APTX: variants seen among roughly 807,000 people sequenced by gnomAD.
APTX encodes forkhead-associated domain histidine triad-like protein.
In APTX, 33 loss-of-function variants were observed where a neutral mutation model predicts 42.3. That is an observed-to-expected ratio of 0.78 (90% CI 0.59 to 1.04). APTX has a LOEUF of 1.04. Among genes scored for constraint, APTX ranks in the 50% least tolerant of loss-of-function variants. The probability of loss-of-function intolerance (pLI) is 0.00; values close to 1 mark genes in which losing one functional copy is unlikely to be tolerated. For synonymous variants in APTX, 130 were observed against 146.7 expected, an observed-to-expected ratio of 0.89 and a Z score of 0.82; for missense variants, 421 against 415.1, an observed-to-expected ratio of 1.01 and a Z score of -0.12.
At position 32,989,801 on chromosome 9, in the gene APTX, G is replaced by T. The variant is rs1421833029; in HGVS notation, c.91C>A (p.Pro31Thr). 1.9e-6 allele frequency: 3 copies of T among 1,614,186 alleles called. No individual in the cohort carries two copies. Among genetic ancestry groups the T allele is most frequent in the Non-Finnish European group, 2.5e-6 (3 of 1,180,030 alleles). ...TTCTTATCAGTGATCTTGGTCTCTGGGCCACGCCCAATCACAACTGCTTCC... is the reference window on the plus strand; with the variant it reads ...TTCTTATCAGTGATCTTGGTCTCTGTGCCACGCCCAATCACAACTGCTTCC... ...HLEAVVIGRG[P>T]ETKITDKKCS... Residue 31 changes from proline (P) to threonine (T), a missense_variant, in exon 2 of 8, where the codon CCA (proline) becomes ACA (threonine). Transcript: ENST00000379817.
chr9:32,988,517 A>G (rs1832734285), intron 2 of APTX, among the ~76,000 whole-genome samples: 2 of 151,686 alleles, frequency 1.3e-5, no homozygotes, highest in South Asian at 4.2e-4. Flanking sequence ...CGTCTCTACA[A>G]AAAAATACAA....
At chr9:33,003,644 C>T (rs1276049328), upstream of APTX, among the ~76,000 whole-genome samples, 1 of 152,042 alleles carries the variant, frequency 6.6e-6, no homozygotes, top group Non-Finnish European at 1.5e-5. Flanking sequence ...AAAAAAAACT[C>T]CGTATCGATT....
chr9:32,987,424 C>T (rs184473821), intron 4 of APTX, 120 bp downstream of exon 4: 167 of 1,341,510 alleles, frequency 1.2e-4, no homozygotes, highest in Non-Finnish European at 1.7e-4. Flanking sequence ...AAACAAGTGA[C>T]TCTTTCATCA....
chr9:33,014,851 C>G (rs1837784612), intron 1 of APTX, among the ~76,000 whole-genome samples: 1 of 152,238 alleles, frequency 6.6e-6, no homozygotes, highest in Non-Finnish European at 1.5e-5. Context: ...GACACTGCTC[C>G]TCACATAACA....
At chr9:33,024,854 C>T (rs1307711008) in intron 1 of APTX, 1 of 28,568 alleles carries the variant, frequency 3.5e-5, no homozygotes, top group Non-Finnish European at 7.2e-5. Flanking sequence ...GAAGAGGCGC[C>T]CGTAAGAGGG....
chr9:33,015,065 T>C (rs1837797576), intron 1 of APTX, among the ~76,000 whole-genome samples: 1 of 152,236 alleles, frequency 6.6e-6, no homozygotes, highest in Admixed American at 6.5e-5. Flanking sequence ...CTTTTAGCTT[T>C]GTCTCTGGTT....
At chr9:32,991,367 T>C (rs1291783086) in intron 1 of APTX, among the ~76,000 whole-genome samples, 1 of 152,002 alleles carries the variant, frequency 6.6e-6, no homozygotes, top group Non-Finnish European at 1.5e-5. Context: ...AGACAAGAAA[T>C]TCAGAAGAGA....
At chr9:32,973,762 C>A (rs1422704308) in intron 7 of APTX, 110 bp from the exon 8 acceptor site, 2 of 1,416,102 alleles carry the variant, frequency 1.4e-6, no homozygotes, top group Non-Finnish European at 2.0e-6. Context: ...TATGCCAGGC[C>A]AGGTATTCTA....
intron 1 of APTX, among the ~76,000 whole-genome samples, chr9:32,999,434 A>C (rs1835741457): frequency 6.6e-6 from 1 of 152,234 alleles, no homozygotes; most frequent in Admixed American, 6.5e-5. Context: ...GAAGTGTCAG[A>C]GATCTGAGAA....
chr9:32,989,944 G>A (rs536712553), intron 1 of APTX, 49 bp from the exon 2 acceptor site: 17 of 1,582,320 alleles, frequency 1.1e-5, no homozygotes, highest in East Asian at 6.9e-5. Context: ...CCACTAGCAC[G>A]AGTCCTCCAG....
intron 1 of APTX, among the ~76,000 whole-genome samples, chr9:33,008,831 C>T (rs576240577): frequency 2.6e-5 from 4 of 152,260 alleles, no homozygotes; most frequent in Admixed American, 6.5e-5. Context: ...GGATTACAGA[C>T]GTGCGCCACC....
intron 1 of APTX, among the ~76,000 whole-genome samples, chr9:32,999,476 G>A (rs1032762816): frequency 2.6e-5 from 4 of 152,180 alleles, no homozygotes; most frequent in Non-Finnish European, 5.9e-5. Context: ...ACTGGAAACA[G>A]AAATGACAAA....
intron 4 of APTX, chr9:32,986,246 T>C: frequency 1.5e-6 from 1 of 679,674 alleles, no homozygotes; most frequent in South Asian, 1.5e-5. Flanking sequence ...AAAGTCTCAC[T>C]CTGTCTCACC....
intron 1 of APTX, among the ~76,000 whole-genome samples, chr9:33,000,625 C>CAA (rs60760701): frequency 0.012 from 737 of 63,158 alleles, 18 homozygotes; most frequent in African/African-American, 0.014. Flanking sequence ...GACTCTGTCT[C>CAA]AAAAAAAAAA....
In APTX at chr9:32,978,193, G is replaced by A. The variant is rs113579714; in HGVS notation, c.771-3632C>T. Among the ~76,000 whole-genome samples the A allele has an allele frequency of 3.4e-3, 511 of 152,262 alleles. 3 individuals are homozygous for A. The highest frequency in any genetic ancestry group is 0.012 in the African/African-American group (493 of 41,548). On this transcript the variant is annotated intron_variant, in intron 6 of 7. Transcript: ENST00000379817. ...CCACTACTGCTTCAAAAGGGTATAC[G>A]ACTTAATGAGAATAGACTGAGTGGG...
chr9:32,979,886 GAT>G (rs1830304051), intron 6 of APTX: 1 of 166,342 alleles, frequency 6.0e-6, no homozygotes, highest in Non-Finnish European at 1.3e-5. Context: ...TTAATTTCTT[GAT>G]ATACAGCCTC....
At chr9:33,015,068 C>T (rs1205560190) in intron 1 of APTX, among the ~76,000 whole-genome samples, 2 of 152,148 alleles carry the variant, frequency 1.3e-5, no homozygotes, top group Admixed American at 1.3e-4. Flanking sequence ...TTAGCTTTGT[C>T]TCTGGTTCCA....
At chr9:32,989,686 C>G in intron 2 of APTX, 73 bp downstream of exon 2, 1 of 1,608,984 alleles carries the variant, frequency 6.2e-7, no homozygotes, top group Non-Finnish European at 8.5e-7. Context: ...CAAGATCACC[C>G]AGAAAATATG....
intron 1 of APTX, among the ~76,000 whole-genome samples, chr9:33,013,159 A>ACTAG (rs1283033508): frequency 2.6e-5 from 4 of 152,198 alleles, no homozygotes; most frequent in African/African-American, 9.7e-5. Context: ...CTATTAGCAA[A>ACTAG]CATTTACTAG....
Sources: gnomAD v4.1 joint callset for allele counts (sites outside exome capture counted in the v4.1 genomes callset) on GRCh38, gnomAD v4.1.1 for gene constraint, MANE v1.5 for transcripts, NCBI Gene and HGNC (gene_info 2026-07-23, HGNC 2026-07-21) for gene names.